PRDM5: variants seen among roughly 807,000 people sequenced by gnomAD.
The protein encoded by PRDM5 is PR domain zinc finger protein 5.
A neutral mutation model predicts 81.2 loss-of-function variants in PRDM5; 56 were observed. The observed-to-expected ratio is 0.69, with a 90% CI of 0.56 to 0.86. The LOEUF is 0.86. Ranked by LOEUF, PRDM5 falls within the 40% of genes least tolerant of loss-of-function variation. The pLI is 0.00. For missense variants in PRDM5, 697 were observed against 770.1 expected (o/e 0.91, Z 1.12); for synonymous variants, 267 against 256.4 (o/e 1.04, Z -0.39).
chr4:120,830,456 G>A (rs962583343), intron 3 of PRDM5, among the ~76,000 whole-genome samples: 2 of 152,058 alleles, frequency 1.3e-5, no homozygotes, highest in Admixed American at 6.6e-5. Context: ...CATAGCCTCT[G>A]GCAGCCTATA....
chr4:120,818,979 C>CT (rs564777323), intron 4 of PRDM5, among the ~76,000 whole-genome samples: 72 of 152,256 alleles, frequency 4.7e-4, no homozygotes, highest in African/African-American at 1.7e-3. Flanking sequence ...GCTGATTAAG[C>CT]TAGTAGAGTG....
intron 2 of PRDM5, among the ~76,000 whole-genome samples, chr4:120,853,807 A>C (rs1759562950): frequency 6.6e-6 from 1 of 152,152 alleles, no homozygotes; most frequent in South Asian, 2.1e-4. Flanking sequence ...GGTCAAAATT[A>C]TTTCGGTTTG....
At chr4:120,871,704 T>A (rs552102515) in intron 2 of PRDM5, among the ~76,000 whole-genome samples, 60 of 152,114 alleles carry the variant, frequency 3.9e-4, no homozygotes, top group Non-Finnish European at 1.5e-4. Context: ...TAAAAGCTTT[T>A]TGAATGCTAA....
rs376195644 is a variant in PRDM5 at position 120,910,018 on chromosome 4, G to C, written c.94-2461C>G. The stretch of plus-strand genomic sequence containing the variant: ...AAAGAAAAGACAAAAAAAACCCTGT[G>C]ATACTGTATAAATTTCTTCATATTT... On this transcript the variant is annotated intron_variant, in intron 1 of 15. Coordinates refer to ENST00000264808, the MANE Select transcript of PRDM5 (RefSeq NM_018699.4). Among the ~76,000 whole-genome samples, 142 of 151,710 alleles carry C rather than the reference G, an allele frequency of 9.4e-4. No individual in the cohort carries two copies. The South Asian group carries it at 0.014, about 14-fold the overall frequency.
At chr4:120,777,312 T>C (rs768953974) in intron 12 of PRDM5, 31 bp from the exon 13 acceptor site, 1 of 1,612,814 alleles carries the variant, frequency 6.2e-7, no homozygotes, top group East Asian at 2.2e-5. Context: ...AGGCTAAGGA[T>C]AAATACAAAG....
In PRDM5 at chr4:120,922,672, A is replaced by G. The variant is rs866186000; in HGVS notation, c.-64T>C. On this transcript the variant is annotated 5_prime_UTR_variant, in exon 1 of 16. It removes an upstream start codon present in the reference 5' UTR. Transcript: ENST00000264808. ...GCGCTTAGCGCCCGGCAGGCGGCAC[A>G]TCGAAATTTGGGGTGCCAGGGTAGA... 6.5e-7 allele frequency: 1 copy of G among 1,540,896 alleles called. No individual in the cohort carries two copies. Among genetic ancestry groups the G allele is most frequent in the Non-Finnish European group, 8.8e-7 (1 of 1,140,026 alleles).
At position 120,716,527 on chromosome 4, in the gene PRDM5, A is replaced by C. The variant is rs1217809138; in HGVS notation, c.1624-6114T>G. 2.0e-5 allele frequency among the ~76,000 whole-genome samples: 3 copies of C among 152,204 alleles called. No homozygotes were observed. In the East Asian group the frequency reaches 5.8e-4, roughly 29 times the overall value. The stretch of plus-strand genomic sequence containing the variant: ...AGTCTGGCAAGAAAGGCTCTCTGTC[A>C]TAACTAAGTATATCAACAGGCAGCT... On this transcript the variant is annotated intron_variant, in intron 14 of 15. Transcript: ENST00000264808.
chr4:120,845,990 AGAAGTGAGACCTGAAGATGT>A (rs1415194847), intron 3 of PRDM5, among the ~76,000 whole-genome samples: 4 of 152,228 alleles, frequency 2.6e-5, no homozygotes, highest in Admixed American at 2.6e-4. Context: ...AACTAGACTT[AGAAGTGAGACCTGAAGATGT>A]GAAGTGAGGC....
At chr4:120,754,489 A>G (rs1561099375) in intron 14 of PRDM5, 64 bp downstream of exon 14, 4 of 1,135,130 alleles carry the variant, frequency 3.5e-6, no homozygotes, top group Non-Finnish European at 2.6e-6. Flanking sequence ...AAAGTTAAAT[A>G]TATTTCTTTT....
At chr4:120,805,601 C>T (rs961161219) in intron 8 of PRDM5, among the ~76,000 whole-genome samples, 4 of 152,036 alleles carry the variant, frequency 2.6e-5, no homozygotes, top group East Asian at 1.9e-4. Flanking sequence ...AGACAAAAAC[C>T]GCATGATTAT....
chr4:120,805,711 AAG>A (rs1348545234), intron 8 of PRDM5, among the ~76,000 whole-genome samples: 8 of 152,212 alleles, frequency 5.3e-5, no homozygotes, highest in Non-Finnish European at 8.8e-5. Context: ...TCAAAATAAT[AAG>A]AGCTACTTAT....
chr4:120,914,292 A>G (rs2148704306), intron 1 of PRDM5, among the ~76,000 whole-genome samples: 1 of 152,296 alleles, frequency 6.6e-6, no homozygotes, highest in East Asian at 1.9e-4. Flanking sequence ...ATTCAAAAAA[A>G]AATCTCAAGT....
intron 14 of PRDM5, among the ~76,000 whole-genome samples, chr4:120,734,446 A>ACACACACACC (rs941793836): frequency 2.0e-5 from 3 of 151,146 alleles, no homozygotes; most frequent in Non-Finnish European, 2.9e-5. Flanking sequence ...ACACACACAC[A>ACACACACACC]CCCTTACTCA....
At chr4:120,706,218 C>T (rs1454727479) in intron 15 of PRDM5, among the ~76,000 whole-genome samples, 1 of 152,076 alleles carries the variant, frequency 6.6e-6, no homozygotes, top group Non-Finnish European at 1.5e-5. Context: ...AGGCAAGTCA[C>T]TCAACCTCAG....
At chr4:120,846,392 T>C (rs569968013) in intron 3 of PRDM5, among the ~76,000 whole-genome samples, 2 of 152,320 alleles carry the variant, frequency 1.3e-5, no homozygotes, top group South Asian at 2.1e-4. Context: ...ACCACCACCC[T>C]GATCAATCAG....
chr4:120,917,327 T>C (rs1158305249), intron 1 of PRDM5, among the ~76,000 whole-genome samples: 7 of 152,194 alleles, frequency 4.6e-5, no homozygotes, highest in Non-Finnish European at 8.8e-5. Flanking sequence ...AAATCTCTCC[T>C]GTTTAGTGAG....
chr4:120,875,308 G>A (rs185839986), intron 2 of PRDM5, among the ~76,000 whole-genome samples: 2 of 152,218 alleles, frequency 1.3e-5, no homozygotes, highest in African/African-American at 2.4e-5. Context: ...AATTCCAATT[G>A]ATCAGTGGAG....
intron 1 of PRDM5, among the ~76,000 whole-genome samples, chr4:120,916,204 C>T (rs889163798): frequency 6.6e-6 from 1 of 152,036 alleles, no homozygotes; most frequent in African/African-American, 2.4e-5. Flanking sequence ...GCCTCACCAA[C>T]ATGGTAAAAC....
exon 2 of PRDM5, chr4:120,684,957 T>C (rs969480948): frequency 6.6e-6 from 1 of 151,998 alleles, no homozygotes; most frequent in Non-Finnish European, 1.5e-5. Context: ...AAGTTAGCCA[T>C]AATGCATAAA....
Sources: allele counts gnomAD v4.1 joint callset (sites outside exome capture counted in the v4.1 genomes callset), GRCh38; gene constraint gnomAD v4.1.1; transcripts MANE v1.5; gene names NCBI Gene and HGNC (gene_info 2026-07-23, HGNC 2026-07-21).